Variants in EPHA5 observed in about 807,000 individuals in gnomAD.
EPHA5 encodes the protein ephrin type-A receptor 5.
In EPHA5, 60 loss-of-function variants were observed where a neutral mutation model predicts 105.0. That is an observed-to-expected ratio of 0.57 (90% CI 0.46 to 0.71). The LOEUF (loss-of-function observed/expected upper bound fraction) is 0.71. EPHA5 is among the 30% of genes least tolerant of loss of function. The pLI is 0.00. For synonymous variants in EPHA5, 513 were observed against 449.1 expected (o/e 1.14, Z -1.80); for missense variants, 1,218 against 1,274.7 (o/e 0.96, Z 0.68).
intron 2 of EPHA5, among the ~76,000 whole-genome samples, chr4:65,608,166 G>C (rs1268965038): frequency 6.6e-6 from 1 of 152,170 alleles, no homozygotes; most frequent in Non-Finnish European, 1.5e-5. Context: ...AAACCTGCAC[G>C]TTCTGCACAT....
At chr4:65,519,299 A>C (rs1015795221) in intron 3 of EPHA5, among the ~76,000 whole-genome samples, 129 of 152,246 alleles carry the variant, frequency 8.5e-4, no homozygotes, top group Admixed American at 9.8e-4. Flanking sequence ...TCAATAGATG[A>C]AGAAAAGGCC....
At chr4:65,589,703 C>T (rs55888371) in intron 3 of EPHA5, among the ~76,000 whole-genome samples, 38,247 of 151,962 alleles carry the variant, frequency 0.25, 5,008 homozygotes, top group East Asian at 0.27. Flanking sequence ...TAATACAGGT[C>T]AGTCTGGTTC....
chr4:65,384,390 C>A (rs939674018), intron 8 of EPHA5, among the ~76,000 whole-genome samples: 1 of 151,964 alleles, frequency 6.6e-6, no homozygotes, highest in Non-Finnish European at 1.5e-5. Context: ...AAACCATAAC[C>A]TTTGTAGCAA....
intron 7 of EPHA5, among the ~76,000 whole-genome samples, chr4:65,412,868 T>C (rs556231604): frequency 4.8e-4 from 73 of 152,294 alleles, no homozygotes; most frequent in South Asian, 1.4e-3. Flanking sequence ...GCCAACATCC[T>C]AAAACTGAGT....
At chr4:65,488,378 A>G (rs62299164) in intron 5 of EPHA5, among the ~76,000 whole-genome samples, 6,398 of 152,312 alleles carry the variant, frequency 0.042, 202 homozygotes, top group Middle Eastern at 0.065. Context: ...TATGCTTACA[A>G]TATGTTGGTA....
At position 65,481,210 on chromosome 4, in the gene EPHA5, A is replaced by G. The variant is rs114674354; in HGVS notation, c.1402+9167T>C. ...ATCTCCAAGATTAAGTTCTTAGTTT[A>G]AATCACATTGAAATGATCAGAGCAT... On this transcript the variant is annotated intron_variant, in intron 5 of 16. Coordinates refer to ENST00000613740, the MANE Select transcript of EPHA5 (RefSeq NM_001281766.3). Among the ~76,000 whole-genome samples the G allele has an allele frequency of 5.6e-3, 853 of 152,322 alleles. 6 individuals are homozygous for G. Among genetic ancestry groups the G allele is most frequent in the African/African-American group, 0.02 (820 of 41,570 alleles).
At chr4:65,498,661 G>A (rs1169002534) in intron 3 of EPHA5, among the ~76,000 whole-genome samples, 1 of 151,752 alleles carries the variant, frequency 6.6e-6, no homozygotes, top group Non-Finnish European at 1.5e-5. Flanking sequence ...AAAATCGTAA[G>A]AGTGACTGTA....
intron 8 of EPHA5, among the ~76,000 whole-genome samples, chr4:65,377,780 A>G (rs1399184258): frequency 6.6e-6 from 1 of 152,016 alleles, no homozygotes; most frequent in Non-Finnish European, 1.5e-5. Flanking sequence ...AATACAAAGT[A>G]AACTATTTTA....
intron 3 of EPHA5, among the ~76,000 whole-genome samples, chr4:65,546,654 T>G (rs1189525457): frequency 6.6e-6 from 1 of 152,054 alleles, no homozygotes; most frequent in Non-Finnish European, 1.5e-5. Flanking sequence ...GCAATTAAAA[T>G]TCTAGGTCTA....
At chr4:65,640,861 C>T (rs1466573825) in intron 2 of EPHA5, among the ~76,000 whole-genome samples, 1 of 152,126 alleles carries the variant, frequency 6.6e-6, no homozygotes, top group Admixed American at 6.5e-5. Context: ...CTTATAAATT[C>T]CAAATAATTC....
At chr4:65,653,963 C>T (rs539720630) in intron 1 of EPHA5, among the ~76,000 whole-genome samples, 2 of 151,896 alleles carry the variant, frequency 1.3e-5, no homozygotes, top group South Asian at 4.2e-4. Flanking sequence ...AATCTGGTAG[C>T]CTTGTTACAT....
chr4:65,526,339 C>T (rs921799770), intron 3 of EPHA5, among the ~76,000 whole-genome samples: 1 of 151,698 alleles, frequency 6.6e-6, no homozygotes, highest in African/African-American at 2.4e-5. Context: ...GTCTAGAATC[C>T]TTTTATGCTG....
At chr4:65,618,546 C>T (rs1033047752) in intron 2 of EPHA5, among the ~76,000 whole-genome samples, 16 of 152,112 alleles carry the variant, frequency 1.1e-4, no homozygotes, top group African/African-American at 3.9e-4. Context: ...ACAGGATGAT[C>T]AAGGTACAAA....
chr4:65,409,372 A>AATAAATAAATAAATAC (rs1722701746), intron 7 of EPHA5, among the ~76,000 whole-genome samples: 1 of 150,408 alleles, frequency 6.6e-6, no homozygotes, highest in Non-Finnish European at 1.5e-5. Context: ...TAAATAAATA[A>AATAAATAAATAAATAC]AAGAGCTTTG....
intron 8 of EPHA5, among the ~76,000 whole-genome samples, chr4:65,391,075 G>C (rs771235939): frequency 6.6e-6 from 1 of 151,990 alleles, no homozygotes; most frequent in African/African-American, 2.4e-5. Flanking sequence ...AAAGTGGTAA[G>C]AGCACATTAT....
intron 8 of EPHA5, among the ~76,000 whole-genome samples, chr4:65,403,679 A>G (rs1280585901): frequency 6.6e-6 from 1 of 151,988 alleles, no homozygotes; most frequent in Non-Finnish European, 1.5e-5. Context: ...GCTCAGCTTA[A>G]TATCAGAAAG....
At position 65,372,855 on chromosome 4, in the gene EPHA5, A is replaced by T. The variant is rs1454083323; in HGVS notation, c.1794-5431T>A. 3.3e-5 allele frequency among the ~76,000 whole-genome samples: 5 copies of T among 151,904 alleles called. 1 individual carries two copies. In the East Asian group the frequency reaches 9.7e-4, roughly 29 times the overall value. On this transcript the variant is annotated intron_variant, in intron 8 of 16. Transcript: ENST00000613740. ...ATAAATCTCCCAAAATATTATACAC[A>T]TGAAATGGCAAATCTCTTACTAATA...
In EPHA5 at chr4:65,341,831, C is replaced by T. The variant is rs142858638; in HGVS notation, c.2596-5706G>A. 2.4e-3 allele frequency among the ~76,000 whole-genome samples: 361 copies of T among 152,046 alleles called. 3 individuals carry two copies. Among genetic ancestry groups the T allele is most frequent in the African/African-American group, 8.3e-3 (345 of 41,528 alleles). On this transcript the variant is annotated intron_variant, in intron 14 of 16. Transcript: ENST00000613740. ...TGCTAGGCATTTACTTGAAATCTCA[C>T]ATATAGGAGCTGTTACTATGAGATA...
At position 65,669,566 on chromosome 4, in the gene EPHA5, G is replaced by A. The variant is rs55860557; in HGVS notation, c.177C>T (p.Asn59=). 269,073 of 1,394,502 alleles carry A rather than the reference G, an allele frequency of 0.19. 27,812 individuals are homozygous for A. Among genetic ancestry groups the A allele is most frequent in the Non-Finnish European group, 0.21 (221,075 of 1,067,856 alleles). 86.4% of individuals were successfully genotyped at this position (1,394,502 alleles called of 1,614,324 possible). A position where few individuals can be genotyped will look rare whatever the true frequency, so the allele number is the denominator to read the frequency against. Reference sequence around the variant, plus strand: ...TCCCCACCCCCATCTCCCTACCTTCGTTGCTGGGGCTGGCCAGGAGGGTCC... The same window carrying A: ...TCCCCACCCCCATCTCCCTACCTTCATTGCTGGGGCTGGCCAGGAGGGTCC... The part of the protein sequence containing the change: ...ALRTLLASPS[N]EVNLLDSRTV... Residue 59 remains asparagine (N), a synonymous_variant, in exon 1 of 17, where the codon AAC becomes AAT. Transcript: ENST00000613740.
Sources: allele counts gnomAD v4.1 joint callset (sites outside exome capture counted in the v4.1 genomes callset), GRCh38; gene constraint gnomAD v4.1.1; transcripts MANE v1.5; gene names NCBI Gene and HGNC (gene_info 2026-07-23, HGNC 2026-07-21).